DSP: variants seen among roughly 807,000 people sequenced by gnomAD.
The protein encoded by DSP is desmoplakin, also known as 250/210 kDa paraneoplastic pemphigus antigen.
DSP carries 114 observed loss-of-function variants against 290.6 expected under a neutral mutation model. The ratio of observed to expected loss-of-function variants is 0.39; its 90% CI spans 0.34 to 0.46. The LOEUF is 0.46. Ranked by LOEUF, DSP falls within the 20% of genes least tolerant of loss-of-function variation. The pLI, the probability that DSP is intolerant of heterozygous loss-of-function variation, is 0.99. For missense variants in DSP, 3,230 were observed against 3,495.8 expected (o/e 0.92, Z 1.92); for synonymous variants, 1,311 against 1,316.4 (o/e 1.00, Z 0.09).
Position 7,585,618 on chromosome 6 carries a change from A to G in DSP, c.8356A>G (p.Lys2786Glu), listed in dbSNP as rs1198756620. ...CAAAACCAAATTAAAAATATCCTAT[A>G]AGGATGCCATAAATCGCTCCATGGT... ...CPKTKLKISY[K>E]DAINRSMVED... The change falls in exon 24 of 24, where the codon AAG (lysine) becomes GAG (glutamate). Residue 2786 changes from lysine to glutamate, a missense_variant. This residue lies in a region of DSP where 582 missense variants were observed against 555.4 expected (regional missense o/e 1.05). Transcript: ENST00000379802. 6.2e-7 allele frequency: 1 copy of G among 1,614,216 alleles called. No individual in the cohort carries two copies. Among genetic ancestry groups the G allele is most frequent in the African/African-American group, 1.3e-5 (1 of 75,050 alleles).
chr6:7,549,516 A>G (rs1181001514), intron 1 of DSP, among the ~76,000 whole-genome samples: 1 of 152,136 alleles, frequency 6.6e-6, no homozygotes, highest in Non-Finnish European at 1.5e-5. Flanking sequence ...TTTTTATGAA[A>G]GATCCTTTCA....
chr6:7,571,575 C>T lies in DSP; in HGVS notation c.1894C>T (p.His632Tyr). 1 of 1,614,198 alleles carries T rather than the reference C, an allele frequency of 6.2e-7. No homozygotes were observed. Among genetic ancestry groups the T allele is most frequent in the South Asian group, 1.1e-5 (1 of 91,086 alleles). Residue 632 changes from histidine (H) to tyrosine (Y), a missense_variant, in exon 14 of 24, where the codon CAC becomes TAC. His to Tyr is a moderately conservative substitution (Grantham distance 83, BLOSUM62 2). This residue lies in a region of DSP where 81 missense variants were observed against 130.5 expected (regional missense o/e 0.62). Transcript: ENST00000379802. ...LVIQLPGYPQ[H>Y]QTVTTTEITH... ...CATTCAGCTCCCTGGCTATCCCCAG[C>T]ACCAGACAGGTCGGCTTGGGACATC...
At position 7,548,262 on chromosome 6, in the gene DSP, G is replaced by A. The variant is rs750232982; in HGVS notation, c.170+6177G>A. Reference sequence around the variant, plus strand: ...AGCCTGGGCAACAGAGCGAGACTCCGTGAAAAAAAAAAAGAAAGAAAGAAA... The same window carrying A: ...AGCCTGGGCAACAGAGCGAGACTCCATGAAAAAAAAAAAGAAAGAAAGAAA... On this transcript the variant is annotated intron_variant, in intron 1 of 23. Coordinates refer to ENST00000379802, the MANE Select transcript of DSP (RefSeq NM_004415.4). Among the ~76,000 whole-genome samples the A allele has an allele frequency of 1.0e-3, 151 of 151,110 alleles. 1 individual carries two copies. Among genetic ancestry groups the A allele is most frequent in the Non-Finnish European group, 1.6e-3 (110 of 67,748 alleles).
At chr6:7,572,265 T>C (rs1182048179) in intron 15 of DSP, among the ~76,000 whole-genome samples, 197 bp downstream of exon 15, 1 of 152,198 alleles carries the variant, frequency 6.6e-6, no homozygotes, top group Non-Finnish European at 1.5e-5. Context: ...AACTGTTCGT[T>C]TGTGTGTTGT....
At position 7,584,248 on chromosome 6, in the gene DSP, T is replaced by C; in HGVS notation, c.6986T>C (p.Leu2329Pro). 6.2e-7 allele frequency: 1 copy of C among 1,614,096 alleles called. No homozygotes were observed. The highest frequency in any genetic ancestry group is 8.5e-7 in the Non-Finnish European group (1 of 1,180,024). Residue 2329 changes from leucine to proline, a missense_variant, in exon 24 of 24, where the codon CTC (leucine) becomes CCC (proline). By Grantham distance (98) the Leu-to-Pro change is moderately conservative. Around this residue, in one of 5 missense-constraint regions of DSP, gnomAD observed 207 missense variants for 281.2 expected, o/e 0.74. Coordinates refer to ENST00000379802, the MANE Select transcript of DSP (RefSeq NM_004415.4). The surrounding 1 kb of genome is among the most constrained non-coding windows in gnomAD (Gnocchi z 6.4). ...GLVGIEFKEK[L>P]LSAERAVTGY... ...GTGGGCATTGAGTTCAAAGAGAAGC[T>C]CCTGTCTGCAGAACGAGCTGTCACT...
chr6:7,555,694 G>A (rs1287805692), intron 1 of DSP, 24 bp from the exon 2 acceptor site: 22 of 1,604,916 alleles, frequency 1.4e-5, no homozygotes, highest in African/African-American at 4.0e-5. Flanking sequence ...TTGATGTCTG[G>A]TTTCTCTGTG....
Position 7,585,046 on chromosome 6 carries a change from C to G in DSP, c.7784C>G (p.Thr2595Ser), listed in dbSNP as rs772951950. 6.2e-7 allele frequency: 1 copy of G among 1,614,202 alleles called. No homozygotes were observed. The highest frequency in any genetic ancestry group is 1.3e-5 in the African/African-American group (1 of 75,038). The change falls in exon 24 of 24, where the codon ACC becomes AGC. Residue 2595 changes from threonine to serine, a missense_variant. Physicochemically the swap from Thr to Ser is moderately conservative, Grantham distance 58. Around this residue, in one of 5 missense-constraint regions of DSP, gnomAD observed 582 missense variants for 555.4 expected, o/e 1.05. Transcript: ENST00000379802. ...CATGAATCAGTAAGTAAGATTTCCACCATATCCAGCGTCAGGAATTTAACC... is the reference window on the plus strand; with the variant it reads ...CATGAATCAGTAAGTAAGATTTCCAGCATATCCAGCGTCAGGAATTTAACC... ...SRHESVSKIS[T>S]ISSVRNLTIR... is the part of the protein sequence containing the mutation.
In DSP at chr6:7,567,496, C is replaced by G. The variant is rs768929646; in HGVS notation, c.1140+47C>G. 3 of 1,452,828 alleles carry G rather than the reference C, an allele frequency of 2.1e-6. No individual in the cohort carries two copies. The African/African-American group carries it at 4.2e-5, about 20-fold the overall frequency. The allele number at this position is 1,452,828 out of a possible 1,614,324, so 90.0% of individuals were successfully genotyped here. On this transcript the variant is annotated intron_variant, in intron 9 of 23. Transcript: ENST00000379802. ...TTTGTTGTTATTTAGGTCTTAATAC[C>G]TAATCTTTTGAGTGTGTTTTATAAA...
Position 7,569,260 on chromosome 6 carries a change from G to A in DSP, c.1494G>A (p.Pro498=), listed in dbSNP as rs764544754. Residue 498 remains proline, a synonymous_variant, in exon 12 of 24, where the codon CCG becomes CCA. Coordinates refer to ENST00000379802, the MANE Select transcript of DSP (RefSeq NM_004415.4). The part of the protein sequence containing the change: ...NERSKWYVTG[P]GGVDMLVPSV... ...GCAGCAAGTGGTACGTGACGGGCCC[G>A]GGAGGCGTTGACATGCTTGTTCCCT... 2.5e-5 allele frequency: 41 copies of A among 1,614,068 alleles called. No individual in the cohort carries two copies. The highest frequency in any genetic ancestry group is 2.3e-4 in the Admixed American group (14 of 60,000).
rs890837021 is a variant in DSP, at chr6:7,567,865, A to T, written c.1225A>T (p.Met409Leu). The T allele has an allele frequency of 1.1e-5, 18 of 1,613,972 alleles. No individual in the cohort carries two copies. The highest frequency in any genetic ancestry group is 2.7e-5 in the African/African-American group (2 of 74,928). The change falls in exon 10 of 24, where the codon ATG becomes TTG. Residue 409 changes from methionine (M) to leucine (L), a missense_variant. Transcript: ENST00000379802. ...IRKKYPCDKN[M>L]PLQHLLEQIK... ...GAAGAAGTACCCCTGCGACAAGAAC[A>T]TGCCCCTGCAGCACCTGCTGGAACA...
Position 7,579,468 on chromosome 6 carries a change from C to T in DSP, c.3278C>T (p.Ala1093Val). Residue 1093 changes from alanine to valine, a missense_variant, in exon 23 of 24, where the codon GCT (alanine) becomes GTT (valine). Ala to Val is a moderately conservative substitution (Grantham distance 64). Coordinates refer to ENST00000379802, the MANE Select transcript of DSP (RefSeq NM_004415.4). The surrounding 1 kb of genome is among the most constrained non-coding windows in gnomAD (Gnocchi z 4.1). ...CAGGCTGAGCTGGATGGGAAGTCGG[C>T]TAAGCAAAATCTAGACAAGTGCTAC... ...KRQAELDGKS[A>V]KQNLDKCYGQ... is the part of the protein sequence containing the mutation. The T allele has an allele frequency of 6.2e-7, 1 of 1,614,020 alleles. No individual in the cohort carries two copies. Among genetic ancestry groups the T allele is most frequent in the Non-Finnish European group, 8.5e-7 (1 of 1,180,014 alleles).
intron 5 of DSP, among the ~76,000 whole-genome samples, chr6:7,563,313 CTTT>C (rs70978990): frequency 2.9e-5 from 4 of 138,974 alleles, no homozygotes; most frequent in African/African-American, 2.6e-5. Flanking sequence ...AATCACTAAA[CTTT>C]TTTTTTTTTT....
chr6:7,551,731 T>C (rs1758348086), intron 1 of DSP, among the ~76,000 whole-genome samples: 6 of 152,212 alleles, frequency 3.9e-5, no homozygotes, highest in Admixed American at 3.9e-4. Flanking sequence ...GACATCAGAC[T>C]GACCCGATGG....
chr6:7,571,357 A>C lies in DSP; in HGVS notation c.1702-26A>C, dbSNP rs748666950. The C allele has an allele frequency of 5.6e-6, 9 of 1,614,066 alleles. 1 individual carries two copies. The South Asian group carries it at 8.8e-5, about 16-fold the overall frequency. On this transcript the variant is annotated intron_variant, in intron 13 of 23. Transcript: ENST00000379802. ...CATTGTGGGGCAGTCATAAATCCCA[A>C]ATCACTTCTGCCTGTCTCCTTTCAG...
intron 11 of DSP, 112 bp from the exon 12 acceptor site, chr6:7,569,074 C>T (rs1010041580): frequency 5.5e-6 from 8 of 1,452,346 alleles, no homozygotes; most frequent in African/African-American, 4.2e-5. Context: ...AGGGGAAAAA[C>T]GTAAAAGCTT....
rs763560697 is a variant in DSP, at chr6:7,585,028, CAGTA to C, written c.7773_7776del (p.Ser2591ArgfsTer11). ...GTTTTTAGCAGCTCCCGACATGAATCAGTAAGTAAGATTTCCACCATATCCAGCG... is the reference window on the plus strand; with the variant it reads ...GTTTTTAGCAGCTCCCGACATGAATCAGTAAGATTTCCACCATATCCAGCG... On this transcript the variant is annotated frameshift_variant, in exon 24 of 24. Coordinates refer to ENST00000379802, the MANE Select transcript of DSP (RefSeq NM_004415.4). LOFTEE classifies it high-confidence loss of function. The C allele has an allele frequency of 5.0e-6, 8 of 1,614,178 alleles. No individual in the cohort carries two copies. Among genetic ancestry groups the C allele is most frequent in the Non-Finnish European group, 5.9e-6 (7 of 1,180,030 alleles).
chr6:7,555,798 G>T lies in DSP; in HGVS notation c.251G>T (p.Arg84Leu), dbSNP rs373736975. The change falls in exon 2 of 24, where the codon CGA becomes CTA. Residue 84 changes from arginine (R) to leucine (L), a missense_variant. This residue lies in a region of DSP where 646 missense variants were observed against 684.3 expected (regional missense o/e 0.94). Coordinates refer to ENST00000379802, the MANE Select transcript of DSP (RefSeq NM_004415.4). The stretch of plus-strand genomic sequence containing the variant: ...CAGAACTGCTCCGACTGCTTGATGC[G>T]AGCAGAGCTCATCGTGCAGCCTGTA... ...LLQNCSDCLM[R>L]AELIVQPELK... 6.2e-7 allele frequency: 1 copy of T among 1,614,020 alleles called. No homozygotes were observed. Among genetic ancestry groups the T allele is most frequent in the Non-Finnish European group, 8.5e-7 (1 of 1,180,020 alleles).
Position 7,579,150 on chromosome 6 carries a change from C to A in DSP, c.3085-125C>A. The A allele has an allele frequency of 7.5e-7, 1 of 1,332,520 alleles. No individual in the cohort carries two copies. The highest frequency in any genetic ancestry group is 1.0e-6 in the Non-Finnish European group (1 of 964,972). The allele number at this position is 1,332,520 out of a possible 1,614,324, so 82.5% of individuals were successfully genotyped here. ...TGAATATTTGCCTAGTCACTCTTTGCATGTATGTCCATGTGTGTAAAGAGA... is the reference window on the plus strand; with the variant it reads ...TGAATATTTGCCTAGTCACTCTTTGAATGTATGTCCATGTGTGTAAAGAGA... On this transcript the variant is annotated intron_variant, in intron 22 of 23. Coordinates refer to ENST00000379802, the MANE Select transcript of DSP (RefSeq NM_004415.4). This position sits in a 1 kb window ranked among gnomAD's most constrained non-coding sequence, Gnocchi z 4.1.
Position 7,580,392 on chromosome 6 carries a change from A to T in DSP, c.4202A>T (p.Glu1401Val), listed in dbSNP as rs1759389046. ...YRAQIDNLTR[E>V]NRSLSEEIKR... Reference sequence around the variant, plus strand: ...GCTCAGATAGACAATCTCACCCGAGAAAACAGGAGCTTATCTGAAGAAATA... The same window carrying T: ...GCTCAGATAGACAATCTCACCCGAGTAAACAGGAGCTTATCTGAAGAAATA... Residue 1401 changes from glutamate to valine, a missense_variant, in exon 23 of 24, where the codon GAA (glutamate) becomes GTA (valine). Glu to Val is a moderately radical substitution (Grantham distance 121). Around this residue, in one of 5 missense-constraint regions of DSP, gnomAD observed 1,714 missense variants for 1,844.5 expected, o/e 0.93. Coordinates refer to ENST00000379802, the MANE Select transcript of DSP (RefSeq NM_004415.4). The surrounding 1 kb of genome is among the most constrained non-coding windows in gnomAD (Gnocchi z 4.2). 2 of 1,614,144 alleles carry T rather than the reference A, an allele frequency of 1.2e-6. No individual in the cohort carries two copies. The highest frequency in any genetic ancestry group is 1.7e-6 in the Non-Finnish European group (2 of 1,180,034).
Sources: gnomAD v4.1 joint callset for allele counts (sites outside exome capture counted in the v4.1 genomes callset) on GRCh38, gnomAD v4.1.1 for gene constraint, gnomAD v4.1.1 regional missense constraint, Gnocchi (gnomAD v3.1) non-coding constraint, MANE v1.5 for transcripts, NCBI Gene and HGNC (gene_info 2026-07-23, HGNC 2026-07-21) for gene names.